The following RBM10 variants were observed in gnomAD, a reference collection of about 807,000 sequenced individuals.
The protein encoded by RBM10 is RNA-binding protein 10.
A neutral mutation model predicts 84.9 loss-of-function variants in RBM10; 1 was observed. That is an observed-to-expected ratio of 0.01 (90% CI 0.00 to 0.06). The LOEUF (loss-of-function observed/expected upper bound fraction) is 0.06. Ranked by LOEUF, RBM10 falls within the 10% of genes least tolerant of loss-of-function variation. RBM10 has a pLI of 1.00. For synonymous variants in RBM10, 326 were observed against 344.5 expected (o/e 0.95, Z 0.60); for missense variants, 438 against 839.0 (o/e 0.52, Z 5.90).
rs972965964 is a variant in RBM10, at chrX:47,169,678, A to G, written c.201+180A>G. Among the ~76,000 whole-genome samples, 21 of 111,030 alleles carry G rather than the reference A, an allele frequency of 1.9e-4. 1 individual carries two copies. In the Admixed American group the frequency reaches 2.0e-3, roughly 11 times the overall value. On this transcript the variant is annotated intron_variant, in intron 3 of 23. Coordinates refer to ENST00000377604, the MANE Select transcript of RBM10 (RefSeq NM_005676.5). ...CCCCTCTCTGAGGGCTCCTCTCCCA[A>G]CCTGGGTCTCCCTGGCTTCCACATG...
intron 5 of RBM10, among the ~76,000 whole-genome samples, chrX:47,174,748 C>A (rs1427394778): frequency 1.8e-5 from 2 of 111,247 alleles, no homozygotes; most frequent in East Asian, 5.7e-4. Flanking sequence ...CCATCTCTCT[C>A]TTCCCAGTTG....
intron 17 of RBM10, among the ~76,000 whole-genome samples, chrX:47,183,659 C>A (rs1000188595): frequency 9.0e-6 from 1 of 111,333 alleles, no homozygotes; most frequent in African/African-American, 3.3e-5. Flanking sequence ...ACTATACAAT[C>A]TGTGCATGTA....
At position 47,185,784 on chromosome X, in the gene RBM10, C is replaced by T. The variant is rs1935862242; in HGVS notation, c.2424C>T (p.Asp808=). 8.3e-7 allele frequency: 1 copy of T among 1,210,977 alleles called. No individual in the cohort carries two copies. Among genetic ancestry groups the T allele is most frequent in the South Asian group, 1.8e-5 (1 of 56,558 alleles). Residue 808 remains aspartate, a synonymous_variant, in exon 21 of 24, where the codon GAC becomes GAT. Transcript: ENST00000377604. ...ENELEALEKN[D]MEQMKYRDRA... is the part of the protein sequence containing the mutation. ...AGCTAGAAGCACTAGAGAAGAATGA[C>T]ATGGAGGTGAGGTGTGACCTGACCC...
intron 4 of RBM10, 63 bp from the exon 5 acceptor site, chrX:47,173,065 A>G: frequency 1.7e-6 from 2 of 1,209,970 alleles, no homozygotes; most frequent in Non-Finnish European, 2.2e-6. Context: ...GCCTCCAGCC[A>G]GCCTCAGGTA....
In RBM10 at chrX:47,145,287, G is replaced by T. The variant is rs1932009502; in HGVS notation, c.-324G>T. 5.3e-6 allele frequency: 3 copies of T among 568,605 alleles called. No homozygotes were observed. The highest frequency in any genetic ancestry group is 8.8e-6 in the Non-Finnish European group (3 of 341,561). The allele number at this position is 568,605 out of a possible 1,213,427, so 46.9% of individuals were successfully genotyped here. On this transcript the variant is annotated 5_prime_UTR_variant, in exon 1 of 24. Transcript: ENST00000377604. ...GTCGCCATTTTGAGCTGGTGACTGT[G>T]GCCGGCTGGGAGTAGGCGGCAGTGA...
chrX:47,177,760 AC>A (rs1443771455), intron 7 of RBM10, among the ~76,000 whole-genome samples: 1 of 110,492 alleles, frequency 9.1e-6, no homozygotes, highest in Non-Finnish European at 1.9e-5. Flanking sequence ...ATGCCACCAC[AC>A]CCACTAATTT....
At chrX:47,175,158 G>A (rs1935038443) in intron 6 of RBM10, 66 bp downstream of exon 6, 4 of 952,066 alleles carry the variant, frequency 4.2e-6, no homozygotes, top group East Asian at 3.2e-5. Flanking sequence ...GCTCCCCATC[G>A]CCTGATTCTT....
Position 47,186,773 on chromosome X carries a change from G to C in RBM10, c.*174G>C. On this transcript the variant is annotated 3_prime_UTR_variant, in exon 24 of 24. Coordinates refer to ENST00000377604, the MANE Select transcript of RBM10 (RefSeq NM_005676.5). ...TGACTTTTGTTGGAAAATTGGGCTG[G>C]GATCACGTCCTGTTTTGTAATAAAA... is the stretch of plus-strand genomic sequence containing the variant. The C allele has an allele frequency of 3.4e-6, 2 of 588,341 alleles. No homozygotes were observed. The highest frequency in any genetic ancestry group is 5.6e-6 in the Non-Finnish European group (2 of 358,016). The allele number at this position is 588,341 out of a possible 1,213,427, so 48.5% of individuals were successfully genotyped here. A position where few individuals can be genotyped will look rare whatever the true frequency, so the allele number is the denominator to read the frequency against.
chrX:47,181,285 A>T lies in RBM10; in HGVS notation c.1319A>T (p.Gln440Leu). 1 of 1,182,748 alleles carries T rather than the reference A, an allele frequency of 8.5e-7. No individual in the cohort carries two copies. The highest frequency in any genetic ancestry group is 1.1e-6 in the Non-Finnish European group (1 of 880,843). Residue 440 changes from glutamine (Q) to leucine (L), a missense_variant, in exon 13 of 24, where the codon CAG becomes CTG. Physicochemically the swap from Gln to Leu is moderately radical, Grantham distance 113. Around this residue, in one of 8 missense-constraint regions of RBM10, gnomAD observed 97 missense variants for 110.3 expected, o/e 0.88. Coordinates refer to ENST00000377604, the MANE Select transcript of RBM10 (RefSeq NM_005676.5). ...EPPVDYSYYQ[Q>L]DEGYGNSQGT... Reference sequence around the variant, plus strand: ...CCGGTCGACTACAGCTACTACCAACAGGATGAGGGCTATGGCAACAGCCAG... The same window carrying T: ...CCGGTCGACTACAGCTACTACCAACTGGATGAGGGCTATGGCAACAGCCAG...
chrX:47,145,614 C>T (rs1202858958), intron 1 of RBM10, 129 bp downstream of exon 1: 6 of 170,116 alleles, frequency 3.5e-5, no homozygotes, highest in Non-Finnish European at 5.4e-5. Context: ...TGTCTCAACC[C>T]GGGAGGGTTT....
chrX:47,151,852 C>T (rs1484513609), intron 2 of RBM10, among the ~76,000 whole-genome samples: 1 of 112,324 alleles, frequency 8.9e-6, no homozygotes, highest in Non-Finnish European at 1.9e-5. Flanking sequence ...ATTATCTAAT[C>T]TTCGTTTGCT....
chrX:47,162,861 C>T (rs1264143221), intron 2 of RBM10, among the ~76,000 whole-genome samples: 1 of 102,897 alleles, frequency 9.7e-6, no homozygotes, highest in African/African-American at 4.0e-5. Context: ...CAAAGCGAGA[C>T]TCCATCTCAA....
intron 9 of RBM10, 145 bp from the exon 10 acceptor site, chrX:47,179,735 G>T: frequency 1.1e-6 from 1 of 883,479 alleles, no homozygotes; most frequent in South Asian, 2.2e-5. Flanking sequence ...AAGCAGAGTT[G>T]ATCCTGGAGG....
chrX:47,171,151 A>G lies in RBM10; in HGVS notation c.325A>G (p.Thr109Ala). Residue 109 changes from threonine to alanine, a missense_variant, in exon 4 of 24, where the codon ACC (threonine) becomes GCC (alanine). Around this residue, in one of 8 missense-constraint regions of RBM10, gnomAD observed 92 missense variants for 134.3 expected, o/e 0.69. Coordinates refer to ENST00000377604, the MANE Select transcript of RBM10 (RefSeq NM_005676.5). ...CGACTATCGGGACCAGGACTATCGG[A>G]CCGAGCAAGGGGAGGAGGAGGAGGA... ...DGDYRDQDYR[T>A]EQGEEEEEEE... 1 of 1,209,157 alleles carries G rather than the reference A, an allele frequency of 8.3e-7. No homozygotes were observed. Among genetic ancestry groups the G allele is most frequent in the Non-Finnish European group, 1.1e-6 (1 of 894,661 alleles).
At chrX:47,153,352 A>T (rs1556764205) in intron 2 of RBM10, among the ~76,000 whole-genome samples, 1 of 112,223 alleles carries the variant, frequency 8.9e-6, no homozygotes, top group Non-Finnish European at 1.9e-5. Context: ...GTCCAAGATC[A>T]TGTATTGCAT....
intron 2 of RBM10, among the ~76,000 whole-genome samples, chrX:47,154,875 T>C (rs1430890680): frequency 9.2e-6 from 1 of 108,451 alleles, no homozygotes; most frequent in African/African-American, 3.3e-5. Flanking sequence ...GGGCCAGGTG[T>C]GGTGGCTCAC....
intron 17 of RBM10, 42 bp downstream of exon 17, chrX:47,182,368 G>A (rs2147200957): frequency 1.7e-6 from 2 of 1,181,218 alleles, no homozygotes; most frequent in Non-Finnish European, 2.3e-6. Flanking sequence ...GCTGTGTGGT[G>A]TCTTCCAGCA....
intron 4 of RBM10, among the ~76,000 whole-genome samples, chrX:47,172,868 G>A (rs782759674): frequency 1.8e-4 from 20 of 112,441 alleles, no homozygotes; most frequent in South Asian, 3.7e-4. Context: ...CCTGAGGGTC[G>A]TCCTGCTGCC....
chrX:47,179,778 C>A (rs1190335342), intron 9 of RBM10, 102 bp from the exon 10 acceptor site: 3 of 1,033,571 alleles, frequency 2.9e-6, no homozygotes, highest in East Asian at 3.3e-5. Context: ...TGCAAAGGCA[C>A]GGAGTGAGTG....
Sources: gnomAD v4.1 joint callset for allele counts (sites outside exome capture counted in the v4.1 genomes callset) on GRCh38, gnomAD v4.1.1 for gene constraint, gnomAD v4.1.1 regional missense constraint, MANE v1.5 for transcripts, NCBI Gene and HGNC (gene_info 2026-07-23, HGNC 2026-07-21) for gene names.